Variants in VPS29 observed in about 807,000 individuals in gnomAD.
VPS29 encodes the protein vacuolar protein sorting-associated protein 29.
Under a neutral mutation model 20.0 loss-of-function variants are expected in VPS29, and 2 were observed. That is an observed-to-expected ratio of 0.10 (90% CI 0.04 to 0.31). VPS29 has a LOEUF of 0.31. Ranked by LOEUF, VPS29 falls within the 10% of genes least tolerant of loss-of-function variation. The pLI is 1.00. For missense variants in VPS29, 120 were observed against 215.3 expected (o/e 0.56, Z 2.77); for synonymous variants, 81 against 79.3 (o/e 1.02, Z -0.12).
Position 110,491,813 on chromosome 12 carries a change from T to C in VPS29, c.*192A>G. 3.7e-6 allele frequency: 2 copies of C among 547,936 alleles called. No individual in the cohort carries two copies. Among genetic ancestry groups the C allele is most frequent in the Non-Finnish European group, 6.4e-6 (2 of 312,394 alleles). The allele number at this position is 547,936 out of a possible 1,614,324, so 33.9% of individuals were successfully genotyped here. On this transcript the variant is annotated 3_prime_UTR_variant, in exon 4 of 4. Transcript: ENST00000549578. Reference sequence around the variant, plus strand: ...TGGACATTTTTTCATAGAATCCATATACTGTAAACTAAATATATTCTTATA... The same window carrying C: ...TGGACATTTTTTCATAGAATCCATACACTGTAAACTAAATATATTCTTATA...
intron 2 of VPS29, among the ~76,000 whole-genome samples, chr12:110,493,800 C>T (rs113161675): frequency 2.0e-5 from 3 of 152,064 alleles, no homozygotes; most frequent in South Asian, 2.1e-4. Flanking sequence ...GGTTCTTTTG[C>T]GCATGCTGTA....
intron 3 of VPS29, 188 bp downstream of exon 3, chr12:110,492,808 G>A (rs1214986657): frequency 2.0e-6 from 1 of 511,770 alleles, no homozygotes; most frequent in Non-Finnish European, 3.4e-6. Flanking sequence ...TTTTTTTGTA[G>A]AGACAGGGTC....
chr12:110,502,080 C>A lies in VPS29; in HGVS notation c.-29G>T, dbSNP rs78107102. ...GTCACCGGGCTCCGCTCAGTCACCACCACCGTCGCCGCCCTCTTCCTCAGG... is the reference window on the plus strand; with the variant it reads ...GTCACCGGGCTCCGCTCAGTCACCAACACCGTCGCCGCCCTCTTCCTCAGG... On this transcript the variant is annotated 5_prime_UTR_variant, in exon 1 of 4. Transcript: ENST00000549578. The A allele has an allele frequency of 1.8e-3, 2,927 of 1,607,736 alleles. 38 individuals carry two copies. In the African/African-American group the frequency reaches 0.029, roughly 16 times the overall value.
chr12:110,492,917 G>A, intron 3 of VPS29, 79 bp downstream of exon 3: 1 of 1,314,832 alleles, frequency 7.6e-7, no homozygotes. Context: ...ACTGTGCCCA[G>A]CCACATTTCT....
At chr12:110,492,736 C>G (rs561769925) in intron 3 of VPS29, among the ~76,000 whole-genome samples, 1 of 151,774 alleles carries the variant, frequency 6.6e-6, no homozygotes, top group Admixed American at 6.6e-5. Context: ...ATCATCCCAC[C>G]TCAGCCTCCT....
chr12:110,493,160 T>C lies in VPS29; in HGVS notation c.267A>G (p.Gln89=), dbSNP rs866098273. 5.6e-6 allele frequency: 9 copies of C among 1,612,676 alleles called. No homozygotes were observed. The Middle Eastern group carries it at 9.9e-4, about 178-fold the overall frequency. The part of the protein sequence containing the change: ...QFKIGLIHGH[Q]VIPWGDMASL... The stretch of plus-strand genomic sequence containing the variant: ...TGGCCATATCTCCCCATGGAATAAC[T>C]TGATGTCCATGGATCAGACCAATTT... The change falls in exon 3 of 4, where the codon CAA becomes CAG. Residue 89 remains glutamine, a synonymous_variant. Transcript: ENST00000549578.
intron 1 of VPS29, chr12:110,501,285 G>T: frequency 8.5e-7 from 1 of 1,175,712 alleles, no homozygotes. Flanking sequence ...GGGGTGAAGG[G>T]GTGATTGCTT....
intron 1 of VPS29, chr12:110,498,960 C>T: frequency 1.1e-5 from 5 of 449,760 alleles, no homozygotes; most frequent in Non-Finnish European, 1.5e-5. Flanking sequence ...AGAACAACAA[C>T]AACAACCACC....
At chr12:110,501,899 C>T (rs748009770) in intron 1 of VPS29, 150 bp downstream of exon 1, 218 of 1,549,520 alleles carry the variant, frequency 1.4e-4, no homozygotes, top group Non-Finnish European at 1.6e-4. Flanking sequence ...CCCTAGACCT[C>T]TTCTGGGCCT....
Position 110,492,133 on chromosome 12 carries a change from A to C in VPS29, c.432-11T>G. Reference sequence around the variant, plus strand: ...GATGGAATAATGTTTCTAGAAGAAAAAATAAATAATGTCAGTGTTTTGTAG... The same window carrying C: ...GATGGAATAATGTTTCTAGAAGAAACAATAAATAATGTCAGTGTTTTGTAG... On this transcript the variant is annotated splice_polypyrimidine_tract_variant and intron_variant, in intron 3 of 3. Transcript: ENST00000549578. The C allele has an allele frequency of 6.3e-7, 1 of 1,583,552 alleles. No individual in the cohort carries two copies. Among genetic ancestry groups the C allele is most frequent in the East Asian group, 2.2e-5 (1 of 44,688 alleles).
intron 1 of VPS29, among the ~76,000 whole-genome samples, chr12:110,498,467 T>A (rs1361797370): frequency 6.6e-6 from 1 of 152,206 alleles, no homozygotes; most frequent in African/African-American, 2.4e-5. Context: ...CACTGCAGAC[T>A]TTGTAAATGA....
intron 1 of VPS29, among the ~76,000 whole-genome samples, chr12:110,497,901 G>A (rs964056756): frequency 2.0e-5 from 3 of 151,772 alleles, no homozygotes; most frequent in African/African-American, 4.8e-5. Flanking sequence ...CTGGGCAGCA[G>A]AGTGAGACTC....
intron 1 of VPS29, among the ~76,000 whole-genome samples, chr12:110,500,496 C>A (rs2062991327): frequency 6.6e-6 from 1 of 152,090 alleles, no homozygotes; most frequent in East Asian, 1.9e-4. Context: ...TGTTTAGAAG[C>A]AAAAATTAAA....
intron 2 of VPS29, among the ~76,000 whole-genome samples, chr12:110,493,470 C>T (rs2062851650): frequency 6.6e-6 from 1 of 151,880 alleles, no homozygotes; most frequent in South Asian, 2.1e-4. Context: ...AGCAATTCTC[C>T]TGTCTCAGCC....
Position 110,495,997 on chromosome 12 carries a change from A to T in VPS29, c.195+15T>A. ...GAAAGGGAGATATTTGAGAAGGGAA[A>T]GGGAAATACATCACCTCATCGAAGT... On this transcript the variant is annotated intron_variant, in intron 2 of 3. Transcript: ENST00000549578. 1 of 1,496,948 alleles carries T rather than the reference A, an allele frequency of 6.7e-7. No homozygotes were observed. The allele number at this position is 1,496,948 out of a possible 1,614,324, so 92.7% of individuals were successfully genotyped here. A position where few individuals can be genotyped will look rare whatever the true frequency, so the allele number is the denominator to read the frequency against.
chr12:110,495,889 GAAAAGA>G (rs2062898740), intron 2 of VPS29, 117 bp downstream of exon 2: 2 of 887,486 alleles, frequency 2.3e-6, no homozygotes, highest in Admixed American at 3.1e-5. Flanking sequence ...TTTACATTTG[GAAAAGA>G]AAAAGGGAAA....
Position 110,493,165 on chromosome 12 carries a change from GT to G in VPS29, c.261del (p.His88IlefsTer12). 1 of 1,612,456 alleles carries G rather than the reference GT, an allele frequency of 6.2e-7. No homozygotes were observed. The highest frequency in any genetic ancestry group is 8.5e-7 in the Non-Finnish European group (1 of 1,179,320). On this transcript the variant is annotated frameshift_variant, in exon 3 of 4. Coordinates refer to ENST00000549578, the MANE Select transcript of VPS29 (RefSeq NM_016226.5). LOFTEE classifies it high-confidence loss of function. ...ATATCTCCCCATGGAATAACTTGAT[GT>G]CCATGGATCAGACCAATTTTGAACT... ...VGQFKIGLIH[G>X]HQVIPWGDMA...
At position 110,492,078 on chromosome 12, in the gene VPS29, G is replaced by T; in HGVS notation, c.476C>A (p.Thr159Lys). The change falls in exon 4 of 4, where the codon ACA becomes AAA. Residue 159 changes from threonine (T) to lysine (K), a missense_variant. By Grantham distance (78) the Thr-to-Lys change is moderately conservative. Transcript: ENST00000549578. ...SFVLMDIQASTVVTYVYQLIG... is the reference protein window; with the variant it reads ...SFVLMDIQASKVVTYVYQLIG... ...TAGCTGATACACATAGGTGACCACT[G>T]TAGAAGCCTGGATATCCATCAACAC... The T allele has an allele frequency of 6.2e-7, 1 of 1,613,704 alleles. No homozygotes were observed. Among genetic ancestry groups the T allele is most frequent in the Non-Finnish European group, 8.5e-7 (1 of 1,179,916 alleles).
At chr12:110,501,890 C>G (rs1333808324) in intron 1 of VPS29, 159 bp downstream of exon 1, 2 of 1,523,990 alleles carry the variant, frequency 1.3e-6, no homozygotes, top group African/African-American at 1.4e-5. Context: ...CCCTTCCTTC[C>G]CTAGACCTCT....
Sources: gnomAD v4.1 joint callset for allele counts (sites outside exome capture counted in the v4.1 genomes callset) on GRCh38, gnomAD v4.1.1 for gene constraint, MANE v1.5 for transcripts, NCBI Gene and HGNC (gene_info 2026-07-23, HGNC 2026-07-21) for gene names.